Variants in ABCC1 observed in about 807,000 individuals in gnomAD.
The protein encoded by ABCC1 is multidrug resistance-associated protein 1.
ABCC1 carries 83 observed loss-of-function variants against 172.9 expected under a neutral mutation model. The observed-to-expected ratio is 0.48, with a 90% CI of 0.40 to 0.58. ABCC1 has a LOEUF of 0.58. ABCC1 is among the 20% of genes least tolerant of loss of function. ABCC1 has a pLI of 0.00. For missense variants in ABCC1, 1,817 were observed against 2,002.7 expected (o/e 0.91, Z 1.77); for synonymous variants, 937 against 825.2 (o/e 1.14, Z -2.32).
At chr16:16,013,137 C>A (rs571365048) in intron 3 of ABCC1, among the ~76,000 whole-genome samples, 1 of 152,134 alleles carries the variant, frequency 6.6e-6, no homozygotes, top group Non-Finnish European at 1.5e-5. Flanking sequence ...CTCTCTTTAT[C>A]TACCTGAGAT....
chr16:16,103,806 C>T (rs995290543), intron 20 of ABCC1, among the ~76,000 whole-genome samples: 6 of 152,124 alleles, frequency 3.9e-5, no homozygotes, highest in Admixed American at 1.3e-4. Context: ...GGTTATCATC[C>T]GGACATGGTT....
At chr16:15,966,344 G>A (rs1338211248) in intron 1 of ABCC1, among the ~76,000 whole-genome samples, 2 of 151,578 alleles carry the variant, frequency 1.3e-5, no homozygotes, top group African/African-American at 4.9e-5. Flanking sequence ...CCCAGGAGGC[G>A]GAGGTTGCAG....
At chr16:16,084,931 G>A (rs1423122309) in intron 17 of ABCC1, among the ~76,000 whole-genome samples, 2 of 152,104 alleles carry the variant, frequency 1.3e-5, no homozygotes, top group Non-Finnish European at 2.9e-5. Context: ...TATAACTTGA[G>A]TATTTTCTGT....
chr16:15,995,508 A>G (rs1012516455), intron 1 of ABCC1, among the ~76,000 whole-genome samples: 5 of 98,492 alleles, frequency 5.1e-5, no homozygotes, highest in Non-Finnish European at 1.2e-4. Flanking sequence ...TTGGGCATAC[A>G]TAGAGTTGTT....
intron 1 of ABCC1, among the ~76,000 whole-genome samples, chr16:15,955,508 C>G (rs1345930263): frequency 6.6e-6 from 1 of 152,200 alleles, no homozygotes; most frequent in Non-Finnish European, 1.5e-5. Context: ...GCCTCGAAGG[C>G]TGGGCAGCAT....
At chr16:16,035,269 C>T (rs534100435) in intron 6 of ABCC1, among the ~76,000 whole-genome samples, 57 of 151,970 alleles carry the variant, frequency 3.8e-4, no homozygotes, top group African/African-American at 1.3e-3. Flanking sequence ...GGGCAGCACA[C>T]GCCTGTAATC....
chr16:16,123,409 T>C (rs1209358711), intron 24 of ABCC1, among the ~76,000 whole-genome samples: 3 of 151,884 alleles, frequency 2.0e-5, no homozygotes, highest in Admixed American at 2.0e-4. Context: ...CCAAAGTGGG[T>C]GGATCACCTG....
At chr16:16,000,143 G>T (rs958248813) in intron 1 of ABCC1, among the ~76,000 whole-genome samples, 2 of 151,708 alleles carry the variant, frequency 1.3e-5, no homozygotes, top group East Asian at 3.9e-4. Flanking sequence ...GTGAGCCACC[G>T]CTCCTGGCCT....
At chr16:16,104,592 C>T (rs944430265) in intron 20 of ABCC1, among the ~76,000 whole-genome samples, 1 of 152,246 alleles carries the variant, frequency 6.6e-6, no homozygotes, top group African/African-American at 2.4e-5. Context: ...GACTCAGGAG[C>T]CCAGCTGGCT....
In ABCC1 at chr16:16,031,315, C is replaced by T. The variant is rs1318343001; in HGVS notation, c.616-1794C>T. 2.6e-5 allele frequency among the ~76,000 whole-genome samples: 4 copies of T among 152,176 alleles called. 1 individual carries two copies. Among genetic ancestry groups the T allele is most frequent in the African/African-American group, 9.7e-5 (4 of 41,430 alleles). On this transcript the variant is annotated intron_variant, in intron 5 of 30. Coordinates refer to ENST00000399410, the MANE Select transcript of ABCC1 (RefSeq NM_004996.4). ...CATTACTGCCTGGTGACCTCTCTTC[C>T]CTCTGCTGCTAAAGCTTGTGTTTCA... is the stretch of plus-strand genomic sequence containing the variant.
At chr16:16,124,387 G>GTA (rs2045332634) in intron 24 of ABCC1, among the ~76,000 whole-genome samples, 16 of 117,252 alleles carry the variant, frequency 1.4e-4, no homozygotes, top group Non-Finnish European at 3.0e-4. Flanking sequence ...CTGTGTGTGT[G>GTA]TGTGTGTGTG....
chr16:16,089,880 C>CAAAA (rs5815856), intron 18 of ABCC1, among the ~76,000 whole-genome samples: 2 of 104,348 alleles, frequency 1.9e-5, no homozygotes, highest in African/African-American at 6.6e-5. Context: ...AACTCTGTCT[C>CAAAA]AAAAAAAAAA....
intron 12 of ABCC1, among the ~76,000 whole-genome samples, chr16:16,064,955 C>T (rs889310370): frequency 6.6e-5 from 10 of 152,204 alleles, no homozygotes; most frequent in African/African-American, 1.4e-4. Flanking sequence ...GGAATAAGGG[C>T]GGCTTGCAGT....
Position 16,070,589 on chromosome 16 carries a change from C to T in ABCC1, c.1825-1053C>T, listed in dbSNP as rs190815367. On this transcript the variant is annotated intron_variant, in intron 13 of 30. Coordinates refer to ENST00000399410, the MANE Select transcript of ABCC1 (RefSeq NM_004996.4). ...CTGAGGCAGGAGAATGTTGTGAACC[C>T]GGGAGGTGGAGCTTGCAGTGAGCCG... Among the ~76,000 whole-genome samples the T allele has an allele frequency of 6.5e-3, 976 of 149,572 alleles. 6 individuals are homozygous for T. The highest frequency in any genetic ancestry group is 7.8e-3 in the Non-Finnish European group (524 of 67,264).
intron 1 of ABCC1, among the ~76,000 whole-genome samples, chr16:15,978,710 G>A (rs796482145): frequency 6.6e-5 from 10 of 152,218 alleles, no homozygotes; most frequent in African/African-American, 2.4e-4. Flanking sequence ...AATACTGGTG[G>A]CAGGAGTGGG....
intron 1 of ABCC1, among the ~76,000 whole-genome samples, chr16:15,954,379 C>A (rs1021611808): frequency 2.0e-5 from 3 of 152,100 alleles, no homozygotes; most frequent in Non-Finnish European, 4.4e-5. Flanking sequence ...TCCTCTCTCC[C>A]TTCCTTATGG....
chr16:15,999,633 G>T (rs1192005296), intron 1 of ABCC1, among the ~76,000 whole-genome samples: 1 of 148,848 alleles, frequency 6.7e-6, no homozygotes, highest in Non-Finnish European at 1.5e-5. Flanking sequence ...AAAAAAAATA[G>T]AAAAAGAAAA....
At chr16:15,979,998 G>A (rs1044375808) in intron 1 of ABCC1, among the ~76,000 whole-genome samples, 5 of 152,102 alleles carry the variant, frequency 3.3e-5, no homozygotes, top group African/African-American at 9.7e-5. Context: ...GACAGCATCA[G>A]TACATTCACT....
chr16:15,997,129 T>C (rs1377616763), intron 1 of ABCC1, among the ~76,000 whole-genome samples: 1 of 148,280 alleles, frequency 6.7e-6, no homozygotes, highest in African/African-American at 2.5e-5. Context: ...TCTCGCTCTA[T>C]CGCCCAGGCT....
Sources: gnomAD v4.1 joint callset for allele counts (sites outside exome capture counted in the v4.1 genomes callset) on GRCh38, gnomAD v4.1.1 for gene constraint, MANE v1.5 for transcripts, NCBI Gene and HGNC (gene_info 2026-07-23, HGNC 2026-07-21) for gene names.